Variants in SAMMSON observed in about 807,000 individuals in gnomAD.
SAMMSON encodes the protein survival associated mitochondrial melanoma specific oncogenic non-coding RNA.
At chr3:70,375,572 G>T (rs1477316897) in intron 9 of SAMMSON, among the ~76,000 whole-genome samples, 1 of 152,038 alleles carries the variant, frequency 6.6e-6, no homozygotes, top group Non-Finnish European at 1.5e-5. Flanking sequence ...TGACCTGAAA[G>T]CTCTCTCCTC....
At chr3:70,235,275 G>C (rs547852038) in intron 4 of SAMMSON, among the ~76,000 whole-genome samples, 147 of 152,104 alleles carry the variant, frequency 9.7e-4, no homozygotes, top group African/African-American at 3.4e-3. Flanking sequence ...CCTCCCTCTG[G>C]ATGCATTCTT....
intron 4 of SAMMSON, among the ~76,000 whole-genome samples, chr3:70,078,650 G>T (rs1382610521): frequency 6.6e-6 from 1 of 152,060 alleles, no homozygotes; most frequent in Non-Finnish European, 1.5e-5. Context: ...TTCTGCCCAA[G>T]TCCTTTACTT....
chr3:70,374,861 C>T (rs989442309), intron 9 of SAMMSON, among the ~76,000 whole-genome samples: 2 of 152,170 alleles, frequency 1.3e-5, no homozygotes, highest in Non-Finnish European at 2.9e-5. Context: ...AAGTTTCTGT[C>T]TTGCTAAATT....
intron 4 of SAMMSON, among the ~76,000 whole-genome samples, chr3:70,169,881 T>G (rs1197019151): frequency 6.6e-6 from 1 of 151,756 alleles, no homozygotes; most frequent in Non-Finnish European, 1.5e-5. Context: ...CTGCTGGTGA[T>G]AGGGTTCATG....
At chr3:70,110,212 C>T (rs544431314) in intron 4 of SAMMSON, among the ~76,000 whole-genome samples, 1 of 152,302 alleles carries the variant, frequency 6.6e-6, no homozygotes, top group East Asian at 1.9e-4. Flanking sequence ...GTAAGATACT[C>T]CAGGGCTGGA....
chr3:70,398,115 G>A (rs1701107173), intron 2 of SAMMSON, among the ~76,000 whole-genome samples: 1 of 152,094 alleles, frequency 6.6e-6, no homozygotes, highest in Non-Finnish European at 1.5e-5. Context: ...TTCCATCAGA[G>A]CAACTTGGGA....
intron 2 of SAMMSON, among the ~76,000 whole-genome samples, chr3:70,426,849 G>A (rs888544796): frequency 2.0e-5 from 3 of 152,194 alleles, no homozygotes; most frequent in South Asian, 2.1e-4. Context: ...AACCTGCCTA[G>A]CATCTGGATC....
intron 4 of SAMMSON, among the ~76,000 whole-genome samples, chr3:70,101,087 G>A (rs972148469): frequency 6.6e-6 from 1 of 152,132 alleles, no homozygotes; most frequent in Admixed American, 6.6e-5. Flanking sequence ...AAGATATTTA[G>A]TCTTAGGGAA....
intron 7 of SAMMSON, among the ~76,000 whole-genome samples, chr3:70,300,924 A>T (rs1380787063): frequency 6.6e-6 from 1 of 152,068 alleles, no homozygotes; most frequent in Non-Finnish European, 1.5e-5. Flanking sequence ...AAAAAAGTCA[A>T]GAAAGCCGTT....
chr3:70,139,488 G>T (rs12634201), intron 4 of SAMMSON, among the ~76,000 whole-genome samples: 4,776 of 152,242 alleles, frequency 0.031, 173 homozygotes, highest in East Asian at 0.19. Flanking sequence ...CCTTGTTGGG[G>T]CTCCTTGCAA....
intron 2 of SAMMSON, among the ~76,000 whole-genome samples, chr3:70,397,171 A>G (rs1340721204): frequency 1.3e-5 from 2 of 152,136 alleles, no homozygotes; most frequent in Admixed American, 6.6e-5. Context: ...TAAAATTGAG[A>G]TATTTTCTCA....
At chr3:70,281,832 G>A (rs1336938240) in intron 6 of SAMMSON, among the ~76,000 whole-genome samples, 1 of 152,130 alleles carries the variant, frequency 6.6e-6, no homozygotes, top group Non-Finnish European at 1.5e-5. Context: ...TGTTTACAAT[G>A]CAAATTCTTT....
chr3:70,296,115 G>C (rs1219066075), intron 7 of SAMMSON, among the ~76,000 whole-genome samples: 4 of 151,890 alleles, frequency 2.6e-5, no homozygotes. Flanking sequence ...GTAGGGAAAG[G>C]GTGAAAGCCT....
At position 70,125,770 on chromosome 3, in the gene SAMMSON, CTCT is replaced by C. The variant is rs1268457346; in HGVS notation, n.507+54207_507+54209del. 9 of 655,030 alleles carry C rather than the reference CTCT, an allele frequency of 1.4e-5. No individual in the cohort carries two copies. The African/African-American group carries it at 1.5e-4, about 11-fold the overall frequency. The allele number at this position is 655,030 out of a possible 1,614,324, so 40.6% of individuals were successfully genotyped here. A position where few individuals can be genotyped will look rare whatever the true frequency, so the allele number is the denominator to read the frequency against. The stretch of plus-strand genomic sequence containing the variant: ...TATGTTCAACATATCCTTTATTTTT[CTCT>C]TTTTTCTCACATGGCGCTGCCTTAT... On this transcript the variant is annotated intron_variant and non_coding_transcript_variant, in intron 4 of 9. Transcript: ENST00000642114.
chr3:70,370,951 CTTAAGT>C (rs1359049158), intron 9 of SAMMSON, among the ~76,000 whole-genome samples: 2 of 151,926 alleles, frequency 1.3e-5, no homozygotes, highest in Non-Finnish European at 2.9e-5. Flanking sequence ...AGTTTTGGGT[CTTAAGT>C]TTAAGTCTTT....
chr3:70,054,084 G>C (rs1043789259), intron 3 of SAMMSON, among the ~76,000 whole-genome samples: 1 of 152,050 alleles, frequency 6.6e-6, no homozygotes, highest in Admixed American at 6.6e-5. Context: ...CTTACGTTGA[G>C]TATGAAGCAT....
chr3:70,183,155 A>C (rs986338962), intron 4 of SAMMSON, among the ~76,000 whole-genome samples: 2 of 152,240 alleles, frequency 1.3e-5, no homozygotes, highest in Admixed American at 1.3e-4. Flanking sequence ...GTAACTGTGA[A>C]GTATGAAGAT....
intron 4 of SAMMSON, among the ~76,000 whole-genome samples, chr3:70,150,136 T>A (rs918847549): frequency 6.6e-6 from 1 of 152,072 alleles, no homozygotes; most frequent in Non-Finnish European, 1.5e-5. Flanking sequence ...CTGTAGAGGT[T>A]TTTCGAACCA....
chr3:70,199,436 C>T (rs1253033251), intron 4 of SAMMSON, among the ~76,000 whole-genome samples: 1 of 152,074 alleles, frequency 6.6e-6, no homozygotes, highest in Non-Finnish European at 1.5e-5. Context: ...TTTCCTTCTA[C>T]CTCCCTATTT....
Sources: gnomAD v4.1 joint callset for allele counts (sites outside exome capture counted in the v4.1 genomes callset) on GRCh38, gnomAD v4.1.1 for gene constraint, MANE v1.5 for transcripts, NCBI Gene and HGNC (gene_info 2026-07-23, HGNC 2026-07-21) for gene names.